The following SLC22A17 variants were observed in gnomAD, a reference collection of about 807,000 sequenced individuals.
SLC22A17 encodes the protein 24p3 receptor.
In SLC22A17, 38 loss-of-function variants were observed where a neutral mutation model predicts 53.6. That is an observed-to-expected ratio of 0.71 (90% confidence interval 0.55 to 0.93). The LOEUF is 0.93. Among genes scored for constraint, SLC22A17 ranks in the 40% least tolerant of loss-of-function variants. SLC22A17 has a pLI of 0.00. For missense variants in SLC22A17, 704 were observed against 791.0 expected (o/e 0.89, Z 1.32); for synonymous variants, 379 against 353.0 (o/e 1.07, Z -0.82).
chr14:23,349,362 C>T (rs1313296225), exon 4 of SLC22A17: 1 of 1,614,016 alleles, frequency 6.2e-7, no homozygotes, highest in Non-Finnish European at 8.5e-7. Context: ...CCTGCAGCAG[C>T]CCCTCCTACT....
Position 23,348,259 on chromosome 14 carries a change from C to G in SLC22A17, c.1073G>C (p.Arg358Pro), listed in dbSNP as rs747723533. 3.5e-5 allele frequency: 57 copies of G among 1,613,994 alleles called. No individual in the cohort carries two copies. The highest frequency in any genetic ancestry group is 4.8e-5 in the Non-Finnish European group (57 of 1,179,998). Residue 358 changes from arginine to proline, a missense_variant, in exon 6 of 10, where the codon CGG becomes CCG. By Grantham distance (103) the Arg-to-Pro change is moderately radical. Around this residue, in one of 4 missense-constraint regions of SLC22A17, gnomAD observed 435 missense variants for 529.0 expected, o/e 0.82. Transcript: ENST00000397267. This position sits in a 1 kb window ranked among gnomAD's most constrained non-coding sequence, Gnocchi z 4.5. The stretch of plus-strand genomic sequence containing the variant: ...CACAGACTGAGCCTCCTCAATCTGC[C>G]GCTTCACTATCAGCCACCGTGCGGA...
chr14:23,348,357 T>C lies in SLC22A17; in HGVS notation c.1026-51A>G. ...CTGTGAGGCCTCCCTTCTCCTGATCTAGGGGTGGGAAATGTGCACCTCTGA... is the reference window on the plus strand; with the variant it reads ...CTGTGAGGCCTCCCTTCTCCTGATCCAGGGGTGGGAAATGTGCACCTCTGA... On this transcript the variant is annotated intron_variant, in intron 5 of 9. Transcript: ENST00000397267. The surrounding 1 kb of genome is among the most constrained non-coding windows in gnomAD (Gnocchi z 4.5). 1.9e-6 allele frequency: 3 copies of C among 1,606,380 alleles called. No homozygotes were observed. Among genetic ancestry groups the C allele is most frequent in the South Asian group, 2.2e-5 (2 of 90,152 alleles).
chr14:23,350,608 AG>A (rs1889563055), intron 3 of SLC22A17, among the ~76,000 whole-genome samples: 2 of 152,310 alleles, frequency 1.3e-5, no homozygotes, highest in South Asian at 4.2e-4. Flanking sequence ...TCATTGCAAA[AG>A]GGGCACCAAT....
At position 23,348,289 on chromosome 14, in the gene SLC22A17, A is replaced by G. The variant is rs1889367487; in HGVS notation, c.1043T>C (p.Leu348Pro). Reference sequence around the variant, plus strand: ...CACTATCAGCCACCGTGCGGACTCCAGGAACAAACCAGGCCAGCTGGGGGC... The same window carrying G: ...CACTATCAGCCACCGTGCGGACTCCGGGAACAAACCAGGCCAGCTGGGGGC... Residue 348 changes from leucine (L) to proline (P), a missense_variant, in exon 6 of 10, where the codon CTG becomes CCG. This residue lies in a region of SLC22A17 where 435 missense variants were observed against 529.0 expected (regional missense o/e 0.82). Transcript: ENST00000397267. The surrounding 1 kb of genome is among the most constrained non-coding windows in gnomAD (Gnocchi z 4.5). 6.2e-7 allele frequency: 1 copy of G among 1,613,992 alleles called. No individual in the cohort carries two copies. Among genetic ancestry groups the G allele is most frequent in the African/African-American group, 1.3e-5 (1 of 74,928 alleles).
At chr14:23,351,675 G>T in intron 3 of SLC22A17, 77 bp downstream of exon 3, 1 of 1,312,374 alleles carries the variant, frequency 7.6e-7, no homozygotes, top group Non-Finnish European at 1.1e-6. Flanking sequence ...TCGACCTCCT[G>T]TAAACGCCCG....
chr14:23,350,220 C>T (rs1049717007), intron 3 of SLC22A17, among the ~76,000 whole-genome samples: 1 of 152,198 alleles, frequency 6.6e-6, no homozygotes, highest in East Asian at 1.9e-4. Context: ...AGGAGAATCG[C>T]TTGAACCTGG....
chr14:23,347,595 G>A lies in SLC22A17; in HGVS notation c.1414C>T (p.Arg472Ter). The change falls in exon 8 of 10, where the codon CGA becomes TGA. Residue 472 changes from arginine to a stop codon, truncating the protein, a stop_gained. Transcript: ENST00000397267. LOFTEE classifies it high-confidence loss of function. The surrounding 1 kb of genome is among the most constrained non-coding windows in gnomAD (Gnocchi z 5.1). ...AGAAGGATGCCCCGGCGGCCAAATC[G>A]GTCCACGGTGACCCCCAGGAAGACA... The A allele has an allele frequency of 1.9e-6, 3 of 1,613,998 alleles. No individual in the cohort carries two copies. The highest frequency in any genetic ancestry group is 2.5e-6 in the Non-Finnish European group (3 of 1,179,994).
In SLC22A17 at chr14:23,347,654, G is replaced by A. The variant is rs1889309623; in HGVS notation, c.1355C>T (p.Ser452Phe). ...GGCTGCGGTGCCGCTGGCCAGCAGAGAGCACAGGTAGAAGTCCGATGGGCT... is the reference window on the plus strand; with the variant it reads ...GGCTGCGGTGCCGCTGGCCAGCAGAAAGCACAGGTAGAAGTCCGATGGGCT... The change falls in exon 8 of 10, where the codon TCT (serine) becomes TTT (phenylalanine). Residue 452 changes from serine to phenylalanine, a missense_variant. This residue lies in a region of SLC22A17 where 435 missense variants were observed against 529.0 expected (regional missense o/e 0.82). Coordinates refer to ENST00000397267, the Ensembl canonical transcript of SLC22A17. The surrounding 1 kb of genome is among the most constrained non-coding windows in gnomAD (Gnocchi z 5.1). 1.9e-6 allele frequency: 3 copies of A among 1,613,924 alleles called. No homozygotes were observed. The highest frequency in any genetic ancestry group is 2.5e-6 in the Non-Finnish European group (3 of 1,180,036).
chr14:23,348,630 G>A lies in SLC22A17; in HGVS notation c.901C>T (p.Leu301=). The A allele has an allele frequency of 6.2e-7, 1 of 1,613,686 alleles. No homozygotes were observed. Among genetic ancestry groups the A allele is most frequent in the Non-Finnish European group, 8.5e-7 (1 of 1,179,790 alleles). Residue 301 remains leucine (L), a synonymous_variant, in exon 5 of 10, where the codon CTG becomes TTG. Transcript: ENST00000397267. This position sits in a 1 kb window ranked among gnomAD's most constrained non-coding sequence, Gnocchi z 4.5. ...CCCACCCCCACCAACTCCCCTGCCA[G>A]GGCCACCCGAAGCCTCTGGGTTGGG... is the stretch of plus-strand genomic sequence containing the variant.
At chr14:23,350,179 C>G (rs1889534615) in intron 3 of SLC22A17, among the ~76,000 whole-genome samples, 1 of 152,112 alleles carries the variant, frequency 6.6e-6, no homozygotes, top group South Asian at 2.1e-4. Flanking sequence ...TGGCAGGTGC[C>G]TGTAGTCTCA....
chr14:23,346,653 G>A (rs758779706), exon 10 of SLC22A17: 2 of 1,494,550 alleles, frequency 1.3e-6, no homozygotes, highest in African/African-American at 1.4e-5. Context: ...GCCGCTCAGA[G>A]GGCAGGGTTG....
Position 23,348,963 on chromosome 14 carries a change from A to G in SLC22A17, c.860-292T>C. 1.7e-6 allele frequency: 1 copy of G among 589,240 alleles called. No homozygotes were observed. The allele number at this position is 589,240 out of a possible 1,614,324, so 36.5% of individuals were successfully genotyped here. A position where few individuals can be genotyped will look rare whatever the true frequency, so the allele number is the denominator to read the frequency against. Reference sequence around the variant, plus strand: ...CCATCAGGCCTCTTATTTGACCTTCACATCAACCCTTGTCCAAGGTCACAC... The same window carrying G: ...CCATCAGGCCTCTTATTTGACCTTCGCATCAACCCTTGTCCAAGGTCACAC... On this transcript the variant is annotated intron_variant, in intron 4 of 9. Coordinates refer to ENST00000397267, the Ensembl canonical transcript of SLC22A17. The surrounding 1 kb of genome is among the most constrained non-coding windows in gnomAD (Gnocchi z 4.5).
rs202086254 is a variant in SLC22A17 at position 23,347,629 on chromosome 14, G to A, written c.1380C>T (p.Ala460=). 6.2e-7 allele frequency: 1 copy of A among 1,613,996 alleles called. No homozygotes were observed. Among genetic ancestry groups the A allele is most frequent in the East Asian group, 2.2e-5 (1 of 44,874 alleles). The change falls in exon 8 of 10, where the codon GCC becomes GCT. Residue 460 remains alanine, a synonymous_variant. Transcript: ENST00000397267. The surrounding 1 kb of genome is among the most constrained non-coding windows in gnomAD (Gnocchi z 5.1). ...TGACCCCCAGGAAGACACAGGCCAGGGCTGCGGTGCCGCTGGCCAGCAGAG... is the reference window on the plus strand; with the variant it reads ...TGACCCCCAGGAAGACACAGGCCAGAGCTGCGGTGCCGCTGGCCAGCAGAG...
chr14:23,352,103 C>T lies in SLC22A17; in HGVS notation c.445G>A (p.Val149Ile), dbSNP rs200344917. The change falls in exon 2 of 10, where the codon GTC (valine) becomes ATC (isoleucine). Residue 149 changes from valine (V) to isoleucine (I), a missense_variant. Physicochemically the swap from Val to Ile is conservative, Grantham distance 29 (BLOSUM62 3). Around this residue, in one of 4 missense-constraint regions of SLC22A17, gnomAD observed 435 missense variants for 529.0 expected, o/e 0.82. Coordinates refer to ENST00000397267, the Ensembl canonical transcript of SLC22A17. The surrounding 1 kb of genome is among the most constrained non-coding windows in gnomAD (Gnocchi z 7.2). ...CTGGCTGCTAGGGCAGCGCTGGCGA[C>T]GCTGACGCCGCTGGCATTGGGAGGC... 1.4e-3 allele frequency: 2,155 copies of T among 1,582,358 alleles called. 3 individuals carry two copies. Among genetic ancestry groups the T allele is most frequent in the Non-Finnish European group, 1.8e-3 (2,043 of 1,165,554 alleles).
chr14:23,351,751 C>T lies in SLC22A17; in HGVS notation c.704+1G>A. ...AGCCCTGCCCCCACGACAGCCCTCACCTGTCTGCGGGGTAACCCAGGAACA... is the reference window on the plus strand; with the variant it reads ...AGCCCTGCCCCCACGACAGCCCTCATCTGTCTGCGGGGTAACCCAGGAACA... On this transcript the variant is annotated splice_donor_variant, in intron 3 of 9. Transcript: ENST00000397267. LOFTEE classifies it high-confidence loss of function. 3 of 1,612,380 alleles carry T rather than the reference C, an allele frequency of 1.9e-6. No homozygotes were observed. Among genetic ancestry groups the T allele is most frequent in the Non-Finnish European group, 2.5e-6 (3 of 1,179,370 alleles).
At position 23,347,548 on chromosome 14, in the gene SLC22A17, G is replaced by A; in HGVS notation, c.1461C>T (p.Gly487=). ...GGCCCAGCAGGACCAGGGAAGCAATGCCGGTAAGGGTCATGGAGAGAAGAA... is the reference window on the plus strand; with the variant it reads ...GGCCCAGCAGGACCAGGGAAGCAATACCGGTAAGGGTCATGGAGAGAAGAA... Residue 487 remains glycine, a synonymous_variant, in exon 8 of 10, where the codon GGC becomes GGT. Transcript: ENST00000397267. This position sits in a 1 kb window ranked among gnomAD's most constrained non-coding sequence, Gnocchi z 5.1. 6.2e-7 allele frequency: 1 copy of A among 1,614,108 alleles called. No homozygotes were observed. The highest frequency in any genetic ancestry group is 8.5e-7 in the Non-Finnish European group (1 of 1,179,990).
chr14:23,352,062 G>A lies in SLC22A17; in HGVS notation c.486C>T (p.Val162=). 1 of 1,603,356 alleles carries A rather than the reference G, an allele frequency of 6.2e-7. No individual in the cohort carries two copies. Among genetic ancestry groups the A allele is most frequent in the Non-Finnish European group, 8.5e-7 (1 of 1,175,522 alleles). ...TGCACGAGGGGTCGGTACTGGTGGC[G>A]ACACGGCTGGCGGCGCTGGCTGCTA... Residue 162 remains valine, a synonymous_variant, in exon 2 of 10, where the codon GTC becomes GTT. Transcript: ENST00000397267. This position sits in a 1 kb window ranked among gnomAD's most constrained non-coding sequence, Gnocchi z 7.2.
In SLC22A17 at chr14:23,348,703, G is replaced by A. The variant is rs1889414396; in HGVS notation, c.860-32C>T. On this transcript the variant is annotated intron_variant, in intron 4 of 9. Transcript: ENST00000397267. This position sits in a 1 kb window ranked among gnomAD's most constrained non-coding sequence, Gnocchi z 4.5. Reference sequence around the variant, plus strand: ...ATACAGCAGGGGTGGAGAGAGGAGAGGGAGGCCAGGGAGGAAGAAGGCATA... The same window carrying A: ...ATACAGCAGGGGTGGAGAGAGGAGAAGGAGGCCAGGGAGGAAGAAGGCATA... 1.9e-6 allele frequency: 3 copies of A among 1,568,824 alleles called. No homozygotes were observed. Among genetic ancestry groups the A allele is most frequent in the East Asian group, 2.2e-5 (1 of 44,528 alleles).
intron 2 of SLC22A17, 25 bp from the exon 3 acceptor site, chr14:23,351,880 G>C (rs1446465323): frequency 3.1e-6 from 5 of 1,611,712 alleles, no homozygotes; most frequent in Admixed American, 3.4e-5. Context: ...AGGGTGCAGC[G>C]GGCGTGAGGC....
Sources: allele counts gnomAD v4.1 joint callset (sites outside exome capture counted in the v4.1 genomes callset), GRCh38; gene constraint gnomAD v4.1.1; regional missense constraint gnomAD v4.1.1; non-coding constraint Gnocchi (gnomAD v3.1); transcripts MANE v1.5; gene names NCBI Gene and HGNC (gene_info 2026-07-23, HGNC 2026-07-21).